Variants in KIF24 observed in about 807,000 individuals in gnomAD.
The protein encoded by KIF24 is kinesin family member 24.
In KIF24, 81 loss-of-function variants were observed where a neutral mutation model predicts 118.9. The observed-to-expected ratio is 0.68, with a 90% CI of 0.57 to 0.82. The LOEUF is 0.82. Among genes scored for constraint, KIF24 ranks in the 40% least tolerant of loss-of-function variants. The probability of loss-of-function intolerance (pLI) is 0.00; values close to 1 mark genes in which losing one functional copy is unlikely to be tolerated. For synonymous variants in KIF24, 599 were observed against 610.0 expected (o/e 0.98, Z 0.27); for missense variants, 1,560 against 1,661.6 (o/e 0.94, Z 1.06).
At chr9:34,303,076 AT>A (rs960757455) in intron 3 of KIF24, among the ~76,000 whole-genome samples, 69 of 146,434 alleles carry the variant, frequency 4.7e-4, no homozygotes, top group Admixed American at 6.8e-4. Context: ...GCCCAGCCTA[AT>A]TTTTTTTTTT....
At chr9:34,277,969 T>C (rs1380567540) in intron 6 of KIF24, among the ~76,000 whole-genome samples, 1 of 152,152 alleles carries the variant, frequency 6.6e-6, no homozygotes, top group Non-Finnish European at 1.5e-5. Context: ...GGTCTCAGTT[T>C]CTTATCTATA....
At chr9:34,265,276 C>T (rs967196797) in intron 8 of KIF24, among the ~76,000 whole-genome samples, 1 of 152,144 alleles carries the variant, frequency 6.6e-6, no homozygotes, top group Non-Finnish European at 1.5e-5. Context: ...TCAAGTGATC[C>T]TCTCACCTCA....
intron 9 of KIF24, among the ~76,000 whole-genome samples, chr9:34,261,167 T>C (rs573297828): frequency 6.6e-6 from 1 of 152,308 alleles, no homozygotes; most frequent in South Asian, 2.1e-4. Context: ...CTACTCTAGC[T>C]GCACAGAATA....
At position 34,254,442 on chromosome 9, in the gene KIF24, G is replaced by T. The variant is rs369027596; in HGVS notation, c.4045C>A (p.Leu1349Met). Residue 1349 changes from leucine to methionine, a missense_variant, in exon 13 of 13, where the codon CTG becomes ATG. By Grantham distance (15) the Leu-to-Met change is conservative. This residue lies in a region of KIF24 where 591 missense variants were observed against 655.6 expected (regional missense o/e 0.90). Transcript: ENST00000402558. ...CCGTGGCAGGTGAGATAGAGCTGCA[G>T]CTGGCTCCTCAGACTCTGGATACAC... ...SKCIQSLRSQ[L>M]QLYLTCHGPT... is the part of the protein sequence containing the mutation. 1 of 1,613,924 alleles carries T rather than the reference G, an allele frequency of 6.2e-7. No individual in the cohort carries two copies. Among genetic ancestry groups the T allele is most frequent in the Non-Finnish European group, 8.5e-7 (1 of 1,179,880 alleles).
At chr9:34,290,961 G>T (rs1020994303) in intron 4 of KIF24, among the ~76,000 whole-genome samples, 1 of 152,102 alleles carries the variant, frequency 6.6e-6, no homozygotes, top group Non-Finnish European at 1.5e-5. Flanking sequence ...AGAAGATAAA[G>T]AAACAAGGGC....
intron 1 of KIF24, chr9:34,319,796 T>A: frequency 1.9e-6 from 1 of 536,634 alleles, no homozygotes; most frequent in Admixed American, 2.4e-5. Context: ...GGTTCCCGTG[T>A]GCTTGAACGG....
At chr9:34,324,782 C>T (rs900600109) in intron 1 of KIF24, among the ~76,000 whole-genome samples, 7 of 152,152 alleles carry the variant, frequency 4.6e-5, no homozygotes, top group Non-Finnish European at 1.0e-4. Flanking sequence ...TTTTATTTCT[C>T]TGTGCATTCA....
At position 34,329,240 on chromosome 9, in the gene KIF24, T is replaced by G. The variant is rs943683332; in HGVS notation, c.-160A>C. On this transcript the variant is annotated 5_prime_UTR_variant, in exon 1 of 13. The change abolishes an upstream ATG in the 5' untranslated region. Coordinates refer to ENST00000402558, the MANE Select transcript of KIF24 (RefSeq NM_194313.4). ...CGGCGGCGGCCAGGCCGCATCTCCA[T>G]GGCAACGCCGCCAAGCGCCAGTTCG... Among the ~76,000 whole-genome samples the G allele has an allele frequency of 3.9e-5, 6 of 152,240 alleles. No individual in the cohort carries two copies. The highest frequency in any genetic ancestry group is 1.4e-4 in the African/African-American group (6 of 41,466).
Position 34,255,930 on chromosome 9 carries a change from T to A in KIF24, c.3677A>T (p.His1226Leu), listed in dbSNP as rs771310978. The A allele has an allele frequency of 1.2e-6, 2 of 1,613,998 alleles. No homozygotes were observed. Among genetic ancestry groups the A allele is most frequent in the Admixed American group, 1.7e-5 (1 of 60,024 alleles). Residue 1226 changes from histidine to leucine, a missense_variant, in exon 11 of 13, where the codon CAT becomes CTT. His to Leu is a moderately conservative substitution (Grantham distance 99). This residue lies in a region of KIF24 where 591 missense variants were observed against 655.6 expected (regional missense o/e 0.90). Coordinates refer to ENST00000402558, the MANE Select transcript of KIF24 (RefSeq NM_194313.4). ...ADQLWAQERK[H>L]PTRLGWQEFG... The stretch of plus-strand genomic sequence containing the variant: ...CTCCTGCCAACCAAGCCTTGTAGGA[T>A]GTTTTCTCTCCTGGGCCCAGAGCTG...
chr9:34,255,117 C>T lies in KIF24; in HGVS notation c.3921G>A (p.Glu1307=). 6.3e-7 allele frequency: 1 copy of T among 1,596,138 alleles called. No homozygotes were observed. The highest frequency in any genetic ancestry group is 1.1e-5 in the South Asian group (1 of 87,720). Reference sequence around the variant, plus strand: ...TCAGCGTCTCCTCCTTGAAGCCGAGCTCAGCCATTTCATCCAGCTGTTCCT... The same window carrying T: ...TCAGCGTCTCCTCCTTGAAGCCGAGTTCAGCCATTTCATCCAGCTGTTCCT... ...AHQEQLDEMA[E]LGFKEETLMS... is the part of the protein sequence containing the mutation. Residue 1307 remains glutamate (E), a synonymous_variant, in exon 12 of 13, where the codon GAG becomes GAA. Transcript: ENST00000402558.
intron 4 of KIF24, among the ~76,000 whole-genome samples, chr9:34,293,586 A>G (rs1836340241): frequency 6.6e-6 from 1 of 152,056 alleles, no homozygotes; most frequent in Non-Finnish European, 1.5e-5. Flanking sequence ...CATCCTGGCT[A>G]ACATGGTGAA....
chr9:34,316,612 G>A (rs1837337954), intron 1 of KIF24, among the ~76,000 whole-genome samples: 1 of 152,246 alleles, frequency 6.6e-6, no homozygotes, highest in African/African-American at 2.4e-5. Flanking sequence ...TATGTCAGCA[G>A]ATAGTCCACA....
intron 1 of KIF24, chr9:34,319,787 G>A (rs968702532): frequency 3.6e-6 from 2 of 554,316 alleles, no homozygotes; most frequent in Non-Finnish European, 6.8e-6. Flanking sequence ...ACAAACCAGG[G>A]TTCCCGTGTG....
chr9:34,286,590 GGTAATA>G, intron 6 of KIF24, 21 bp downstream of exon 6: 1 of 1,476,216 alleles, frequency 6.8e-7, no homozygotes, highest in Non-Finnish European at 9.5e-7. Flanking sequence ...GTTGTGGTGG[GGTAATA>G]AAGAAGGAAG....
chr9:34,298,845 T>C (rs1836584815), intron 3 of KIF24, among the ~76,000 whole-genome samples: 1 of 151,982 alleles, frequency 6.6e-6, no homozygotes, highest in South Asian at 2.1e-4. Context: ...CAGAAGAAAT[T>C]TGATAACTGA....
intron 4 of KIF24, among the ~76,000 whole-genome samples, chr9:34,296,218 CAAA>C (rs575004699): frequency 3.9e-5 from 2 of 51,878 alleles, no homozygotes; most frequent in African/African-American, 7.7e-5. Flanking sequence ...GACTCTGTCT[CAAA>C]AAAAAAAAAA....
intron 2 of KIF24, among the ~76,000 whole-genome samples, chr9:34,308,395 T>G (rs1174562708): frequency 1.3e-5 from 2 of 151,976 alleles, no homozygotes; most frequent in African/African-American, 4.8e-5. Context: ...GCGATTTTCC[T>G]ACCTCAGCCT....
At chr9:34,331,168 C>T (rs1470588048), upstream of KIF24, among the ~76,000 whole-genome samples, 19 of 152,106 alleles carry the variant, frequency 1.2e-4, no homozygotes, top group Admixed American at 1.2e-3. Flanking sequence ...GGAATTTATG[C>T]TGTGGGACCT....
At chr9:34,289,404 C>A (rs1242097557) in intron 5 of KIF24, among the ~76,000 whole-genome samples, 1 of 152,192 alleles carries the variant, frequency 6.6e-6, no homozygotes, top group Non-Finnish European at 1.5e-5. Context: ...TAGTCTCAAG[C>A]TGATTAGGTT....
Sources: gnomAD v4.1 joint callset for allele counts (sites outside exome capture counted in the v4.1 genomes callset) on GRCh38, gnomAD v4.1.1 for gene constraint, gnomAD v4.1.1 regional missense constraint, MANE v1.5 for transcripts, NCBI Gene and HGNC (gene_info 2026-07-23, HGNC 2026-07-21) for gene names.